ABCA9: variants seen among roughly 807,000 people sequenced by gnomAD.
ABCA9 encodes ATP-binding cassette sub-family A member 9.
A neutral mutation model predicts 205.3 loss-of-function variants in ABCA9; 183 were observed. The ratio of observed to expected loss-of-function variants is 0.89; its 90% CI spans 0.79 to 1.01. ABCA9 has a LOEUF of 1.01. ABCA9 is among the 50% of genes least tolerant of loss of function. The probability of loss-of-function intolerance (pLI) is 0.00; values close to 1 mark genes in which losing one functional copy is unlikely to be tolerated. For synonymous variants in ABCA9, 651 were observed against 683.3 expected (o/e 0.95, Z 0.74); for missense variants, 1,805 against 1,912.4 (o/e 0.94, Z 1.05).
intron 1 of ABCA9, among the ~76,000 whole-genome samples, chr17:69,058,895 T>G (rs941401586): frequency 2.0e-5 from 3 of 151,208 alleles, no homozygotes; most frequent in African/African-American, 4.9e-5. Context: ...GAGGTTTAAC[T>G]GACTCACAGT....
At chr17:69,071,820 C>T in the ABCA9 span, among the ~76,000 whole-genome samples, 1 of 152,120 alleles carries the variant, frequency 6.6e-6, no homozygotes, top group African/African-American at 2.4e-5. Context: ...CATGTTCTAA[C>T]CTAATGCAAG....
chr17:69,050,724 A>C (rs2071876246), intron 2 of ABCA9, among the ~76,000 whole-genome samples: 1 of 152,188 alleles, frequency 6.6e-6, no homozygotes, highest in Non-Finnish European at 1.5e-5. Flanking sequence ...GATTCAAATG[A>C]GCTCAGCGGT....
intron 8 of ABCA9, 52 bp downstream of exon 8, chr17:69,035,194 G>A: frequency 7.5e-7 from 1 of 1,340,946 alleles, no homozygotes; most frequent in Non-Finnish European, 9.8e-7. Flanking sequence ...TATTAAGAGG[G>A]AATCTGTGTA....
At chr17:68,997,623 T>C (rs972911212) in intron 25 of ABCA9, among the ~76,000 whole-genome samples, 3 of 151,246 alleles carry the variant, frequency 2.0e-5, no homozygotes, top group Non-Finnish European at 1.5e-5. Context: ...TAAAAGGATT[T>C]TATTATTTAT....
At chr17:69,062,900 T>C (rs1303979860), upstream of ABCA9, among the ~76,000 whole-genome samples, 2 of 133,968 alleles carry the variant, frequency 1.5e-5, no homozygotes, top group African/African-American at 4.9e-5. Context: ...ACACTGATTT[T>C]ATACCATAAT....
chr17:69,033,624 T>C (rs2071234672), intron 9 of ABCA9, 102 bp downstream of exon 9: 2 of 1,041,696 alleles, frequency 1.9e-6, no homozygotes. Context: ...TGTAGAAATT[T>C]TGAAAAACTG....
rs936276345 is a variant in ABCA9, at chr17:69,044,653, G to GA, written c.470-54dup. 4 of 1,523,518 alleles carry GA rather than the reference G, an allele frequency of 2.6e-6. No homozygotes were observed. In the African/African-American group the frequency reaches 4.2e-5, roughly 16 times the overall value. The allele number at this position is 1,523,518 out of a possible 1,614,324, so 94.4% of individuals were successfully genotyped here. Reference sequence around the variant, plus strand: ...ACGGAATGATACAATCTTGGCTACAGAAAAAAACAAAATTTCAAATGTTTC... The same window carrying GA: ...ACGGAATGATACAATCTTGGCTACAGAAAAAAAACAAAATTTCAAATGTTTC... On this transcript the variant is annotated intron_variant, in intron 4 of 38. Transcript: ENST00000340001.
chr17:69,046,978 T>C (rs2071739719), intron 3 of ABCA9, among the ~76,000 whole-genome samples: 1 of 149,578 alleles, frequency 6.7e-6, no homozygotes, highest in Non-Finnish European at 1.5e-5. Context: ...GTTTGTGTTT[T>C]TGAGATGGAC....
At position 69,016,282 on chromosome 17, in the gene ABCA9, T is replaced by A. The variant is rs763043006; in HGVS notation, c.3010A>T (p.Ile1004Phe). The change falls in exon 22 of 39, where the codon ATT becomes TTT. Residue 1004 changes from isoleucine to phenylalanine, a missense_variant. By Grantham distance (21) the Ile-to-Phe change is conservative (BLOSUM62 0). Coordinates refer to ENST00000340001, the MANE Select transcript of ABCA9 (RefSeq NM_080283.4). The stretch of plus-strand genomic sequence containing the variant: ...AAAAATGTGCTTCTGTCAGTCTGAA[T>A]GTGTTCTGACGAATTAAAAATTCCA... ...LLGIFNSSEH[I>F]QTDRSTFFEE... 6.3e-7 allele frequency: 1 copy of A among 1,594,776 alleles called. No homozygotes were observed. Among genetic ancestry groups the A allele is most frequent in the South Asian group, 1.1e-5 (1 of 87,698 alleles).
At chr17:69,031,676 G>A (rs1026469558) in intron 10 of ABCA9, among the ~76,000 whole-genome samples, 9 of 152,196 alleles carry the variant, frequency 5.9e-5, no homozygotes, top group East Asian at 1.9e-4. Context: ...TGCCTGCATC[G>A]CTTGCCTCTT....
Position 68,974,776 on chromosome 17 carries a change from T to C in ABCA9, c.*1139A>G, listed in dbSNP as rs1344576942. 6.6e-6 allele frequency: 1 copy of C among 152,128 alleles called. No homozygotes were observed. The highest frequency in any genetic ancestry group is 2.4e-5 in the African/African-American group (1 of 41,376). The allele number at this position is 152,128 out of a possible 1,614,324, so 9.4% of individuals were successfully genotyped here. On this transcript the variant is annotated 3_prime_UTR_variant, in exon 39 of 39. Coordinates refer to ENST00000340001, the MANE Select transcript of ABCA9 (RefSeq NM_080283.4). ...TGCCCTTGCATCATAAGAAAACATA[T>C]AAAAACAGAAATATGTTTCAAACTT... is the stretch of plus-strand genomic sequence containing the variant.
intron 25 of ABCA9, among the ~76,000 whole-genome samples, chr17:68,996,936 TC>T (rs1176465533): frequency 1.3e-5 from 2 of 152,240 alleles, no homozygotes; most frequent in Non-Finnish European, 2.9e-5. Context: ...ATTCTTTTTT[TC>T]TTCTTCTTTT....
chr17:69,000,159 G>T (rs370191385), intron 25 of ABCA9, among the ~76,000 whole-genome samples: 2,806 of 151,284 alleles, frequency 0.019, 32 homozygotes, highest in Non-Finnish European at 0.029. Context: ...TTTTGGCTTT[G>T]GTTGCCATTG....
At chr17:69,050,937 G>A (rs1309460526) in intron 2 of ABCA9, 94 bp downstream of exon 2, 17 of 1,130,542 alleles carry the variant, frequency 1.5e-5, no homozygotes, top group Middle Eastern at 2.1e-4. Flanking sequence ...ACACATATGT[G>A]CAATGTTAAA....
rs868038671 is a variant in ABCA9 at position 69,011,957 on chromosome 17, A to G, written c.3147+19T>C. On this transcript the variant is annotated intron_variant, in intron 23 of 38. Coordinates refer to ENST00000340001, the MANE Select transcript of ABCA9 (RefSeq NM_080283.4). ...TTCTCTAGATATAAAAAACATGTGA[A>G]GACTTTAACTCTTCTTACTTTGTAG... is the stretch of plus-strand genomic sequence containing the variant. 3 of 1,561,816 alleles carry G rather than the reference A, an allele frequency of 1.9e-6. No homozygotes were observed. The highest frequency in any genetic ancestry group is 3.4e-4 in the Middle Eastern group (2 of 5,912).
intron 10 of ABCA9, among the ~76,000 whole-genome samples, chr17:69,031,202 T>G (rs188462243): frequency 7.7e-4 from 117 of 152,330 alleles, no homozygotes; most frequent in African/African-American, 2.1e-3. Context: ...TAAAACCCCT[T>G]ATTTCATCAT....
rs762043923 is a variant in ABCA9, at chr17:68,984,125, G to A, written c.4430C>T (p.Thr1477Ile). The A allele has an allele frequency of 1.9e-6, 3 of 1,614,050 alleles. No individual in the cohort carries two copies. In the African/African-American group the frequency reaches 4.0e-5, roughly 22 times the overall value. ...CTCAGCCTCTGCCATGTAGTGGGTG[G>A]TCAGGAGGGCGCCCCTCTCCGTGTT... ...FRNTERGALL[T>I]THYMAEAEAV... The change falls in exon 35 of 39, where the codon ACC becomes ATC. Residue 1477 changes from threonine to isoleucine, a missense_variant. Physicochemically the swap from Thr to Ile is moderately conservative, Grantham distance 89. Coordinates refer to ENST00000340001, the MANE Select transcript of ABCA9 (RefSeq NM_080283.4).
chr17:69,016,058 T>TTA (rs1234031855), intron 22 of ABCA9, among the ~76,000 whole-genome samples, 195 bp downstream of exon 22: 3 of 148,082 alleles, frequency 2.0e-5, no homozygotes, highest in Non-Finnish European at 3.0e-5. Context: ...ATACAGTGAT[T>TTA]TATATATATA....
At chr17:69,004,952 G>T (rs1391728461) in intron 25 of ABCA9, among the ~76,000 whole-genome samples, 1 of 152,186 alleles carries the variant, frequency 6.6e-6, no homozygotes, top group East Asian at 1.9e-4. Flanking sequence ...CGCTTCCCGA[G>T]TGAGGCAATG....
Sources: allele counts gnomAD v4.1 joint callset (sites outside exome capture counted in the v4.1 genomes callset), GRCh38; gene constraint gnomAD v4.1.1; transcripts MANE v1.5; gene names NCBI Gene and HGNC (gene_info 2026-07-23, HGNC 2026-07-21).